KANK1: variants seen among roughly 807,000 people sequenced by gnomAD.
KANK1 encodes KN motif and ankyrin repeat domains 1.
A neutral mutation model predicts 106.2 loss-of-function variants in KANK1; 109 were observed. That is an observed-to-expected ratio of 1.03 (90% CI 0.88 to 1.20). The LOEUF is 1.20. Ranked by LOEUF, KANK1 falls within the 50% of genes most tolerant of loss-of-function variation. The pLI is 0.00. For missense variants in KANK1, 2,399 were observed against 1,710.7 expected, an observed-to-expected ratio of 1.40 and a Z score of -7.10; for synonymous variants, 873 against 652.2, an observed-to-expected ratio of 1.34 and a Z score of -5.16.
intron 1 of KANK1, among the ~76,000 whole-genome samples, chr9:513,669 T>G (rs1328915351): frequency 1.3e-5 from 2 of 152,220 alleles, no homozygotes; most frequent in Non-Finnish European, 2.9e-5. Context: ...TGCATAATAT[T>G]TTTGGCTAAA....
intron 3 of KANK1, among the ~76,000 whole-genome samples, chr9:713,750 G>T (rs1177498287): frequency 1.3e-5 from 2 of 152,126 alleles, no homozygotes; most frequent in African/African-American, 4.8e-5. Flanking sequence ...TGCTAGTTTG[G>T]TAAGATGCTT....
intron 3 of KANK1, among the ~76,000 whole-genome samples, chr9:488,435 A>G (rs1157494970): frequency 4.6e-5 from 7 of 152,232 alleles, no homozygotes; most frequent in Non-Finnish European, 8.8e-5. Flanking sequence ...GACAAGAAAC[A>G]AGCCAAAATT....
intron 1 of KANK1, among the ~76,000 whole-genome samples, chr9:518,285 A>ATT (rs1563704481): frequency 6.6e-6 from 1 of 151,670 alleles, no homozygotes; most frequent in Non-Finnish European, 1.5e-5. Flanking sequence ...GGCCCATCTG[A>ATT]TTTGAGTCCT....
intron 1 of KANK1, among the ~76,000 whole-genome samples, chr9:668,352 C>CTCTG (rs1164848420): frequency 6.6e-6 from 1 of 151,814 alleles, no homozygotes; most frequent in South Asian, 2.1e-4. Flanking sequence ...ATTATAATCT[C>CTCTG]TCTCTCTCTT....
At position 601,827 on chromosome 9, in the gene KANK1, C is replaced by T. The variant is rs111537851; in HGVS notation, c.-83-75063C>T. ...CTAGGCTAATCTTGTATTTTCCTTGCCCTACTTTTGGAATCAGTCACTTCC... is the reference window on the plus strand; with the variant it reads ...CTAGGCTAATCTTGTATTTTCCTTGTCCTACTTTTGGAATCAGTCACTTCC... On this transcript the variant is annotated intron_variant, in intron 1 of 11. Coordinates refer to ENST00000382297, the MANE Select transcript of KANK1 (RefSeq NM_015158.5). Among the ~76,000 whole-genome samples the T allele has an allele frequency of 1.2e-3, 189 of 151,934 alleles. 10 individuals are homozygous for T. Among genetic ancestry groups the T allele is most frequent in the African/African-American group, 4.1e-3 (170 of 41,218 alleles).
Position 742,265 on chromosome 9 carries a change from C to G in KANK1, c.3757C>G (p.Leu1253Val). The G allele has an allele frequency of 3.1e-6, 5 of 1,614,222 alleles. No homozygotes were observed. Among genetic ancestry groups the G allele is most frequent in the Non-Finnish European group, 4.2e-6 (5 of 1,180,042 alleles). ...CGGACGGATAGACATGGTGAAGGGCCTTCTGGCCTGTGGGGCTGATGTCAA... is the reference window on the plus strand; with the variant it reads ...CGGACGGATAGACATGGTGAAGGGCGTTCTGGCCTGTGGGGCTGATGTCAA... The part of the protein sequence containing the change: ...SHGRIDMVKG[L>V]LACGADVNIQ... The change falls in exon 10 of 12, where the codon CTT (leucine) becomes GTT (valine). Residue 1253 changes from leucine to valine, a missense_variant. Physicochemically the swap from Leu to Val is conservative, Grantham distance 32 (BLOSUM62 1). Transcript: ENST00000382297.
intron 1 of KANK1, among the ~76,000 whole-genome samples, chr9:627,472 G>C (rs1834637500): frequency 6.6e-6 from 1 of 152,170 alleles, no homozygotes; most frequent in Non-Finnish European, 1.5e-5. Flanking sequence ...TGGTAAGCTT[G>C]ATTATCAGGA....
chr9:663,617 C>G (rs7865572), intron 1 of KANK1, among the ~76,000 whole-genome samples: 43,768 of 152,034 alleles, frequency 0.29, 6,876 homozygotes, highest in South Asian at 0.48. Context: ...GCTGATTTTC[C>G]GCCTAGGTTT....
intron 1 of KANK1, among the ~76,000 whole-genome samples, chr9:676,572 A>T (rs1816455395): frequency 6.6e-6 from 1 of 152,250 alleles, no homozygotes; most frequent in Non-Finnish European, 1.5e-5. Flanking sequence ...AATATTTCGT[A>T]GAGTGCTACA....
chr9:684,202 T>A, intron 2 of KANK1: 3 of 985,408 alleles, frequency 3.0e-6, no homozygotes, highest in Non-Finnish European at 3.6e-6. Flanking sequence ...CCAGTCATAA[T>A]GGCTTAAGCA....
At chr9:587,775 A>G (rs938611093) in intron 1 of KANK1, among the ~76,000 whole-genome samples, 1 of 152,180 alleles carries the variant, frequency 6.6e-6, no homozygotes, top group African/African-American at 2.4e-5. Context: ...ATTGAAGCTC[A>G]GAGAAATTAG....
rs574592132 is a variant in KANK1, at chr9:564,066, T to C, written c.-84+59312T>C. On this transcript the variant is annotated intron_variant, in intron 1 of 11. Transcript: ENST00000382297. The stretch of plus-strand genomic sequence containing the variant: ...CATAGAATGTGCACTTTCTTTCTTT[T>C]TTTTTTTTTTTGAGACAGAGTCTTG... Among the ~76,000 whole-genome samples, 11 of 151,232 alleles carry C rather than the reference T, an allele frequency of 7.3e-5. No individual in the cohort carries two copies. The East Asian group carries it at 1.5e-3, about 21-fold the overall frequency.
chr9:535,704 C>G (rs1359671648), intron 1 of KANK1, among the ~76,000 whole-genome samples: 1 of 152,196 alleles, frequency 6.6e-6, no homozygotes, highest in Non-Finnish European at 1.5e-5. Flanking sequence ...CAGTAGGCAG[C>G]AAATGGGCTG....
chr9:622,280 C>T (rs540407182), intron 1 of KANK1, among the ~76,000 whole-genome samples: 1 of 152,278 alleles, frequency 6.6e-6, no homozygotes, highest in Non-Finnish European at 1.5e-5. Context: ...TCACTTCATG[C>T]TCTTCTTAAG....
At position 564,351 on chromosome 9, in the gene KANK1, C is replaced by T. The variant is rs539767024; in HGVS notation, c.-84+59597C>T. Reference sequence around the variant, plus strand: ...TGCTGGGATTACAGGAGGGAGCCACCGTGCCCGGCCAGAATGCACTTTCTG... The same window carrying T: ...TGCTGGGATTACAGGAGGGAGCCACTGTGCCCGGCCAGAATGCACTTTCTG... On this transcript the variant is annotated intron_variant, in intron 1 of 11. Transcript: ENST00000382297. 3.5e-4 allele frequency among the ~76,000 whole-genome samples: 54 copies of T among 152,208 alleles called. 1 individual carries two copies. The South Asian group carries it at 5.6e-3, about 16-fold the overall frequency.
At chr9:548,075 C>G (rs1208892087) in intron 1 of KANK1, among the ~76,000 whole-genome samples, 2 of 152,066 alleles carry the variant, frequency 1.3e-5, no homozygotes, top group African/African-American at 2.4e-5. Flanking sequence ...GTTAGGAAAA[C>G]TATTTCTCAT....
At position 529,036 on chromosome 9, in the gene KANK1, T is replaced by G. The variant is rs556747327; in HGVS notation, c.-84+24282T>G. Among the ~76,000 whole-genome samples, 40 of 152,228 alleles carry G rather than the reference T, an allele frequency of 2.6e-4. No homozygotes were observed. The South Asian group carries it at 3.9e-3, about 15-fold the overall frequency. On this transcript the variant is annotated intron_variant, in intron 1 of 11. Coordinates refer to ENST00000382297, the MANE Select transcript of KANK1 (RefSeq NM_015158.5). ...CTGGTCTTGAACTCCTGGACTCAAGTGATCCTCCTGCCTTGGCCTCCCAGA... is the reference window on the plus strand; with the variant it reads ...CTGGTCTTGAACTCCTGGACTCAAGGGATCCTCCTGCCTTGGCCTCCCAGA...
Position 491,140 on chromosome 9 carries a change from T to C in KANK1, c.-362+17867T>C, listed in dbSNP as rs150033206. Among the ~76,000 whole-genome samples, 986 of 152,106 alleles carry C rather than the reference T, an allele frequency of 6.5e-3. 10 individuals are homozygous for C. The highest frequency in any genetic ancestry group is 0.021 in the African/African-American group (888 of 41,470). On this transcript the variant is annotated intron_variant, in intron 3 of 15. Transcript: ENST00000382303. ...ATGCCCCATCTAATTTTTAAACATT[T>C]TGTAGAGATGTGCTCTTGCCATGTT...
At chr9:556,413 G>A (rs2134229220) in intron 1 of KANK1, among the ~76,000 whole-genome samples, 1 of 152,306 alleles carries the variant, frequency 6.6e-6, no homozygotes, top group East Asian at 1.9e-4. Flanking sequence ...GTGAGTCTTA[G>A]TCTCTGGAGT....
Sources: allele counts gnomAD v4.1 joint callset (sites outside exome capture counted in the v4.1 genomes callset), GRCh38; gene constraint gnomAD v4.1.1; transcripts MANE v1.5; gene names NCBI Gene and HGNC (gene_info 2026-07-23, HGNC 2026-07-21).